The following AP3B1 variants were observed in gnomAD, a reference collection of about 807,000 sequenced individuals.
AP3B1 encodes AP-3 complex subunit beta-1.
In AP3B1, 61 loss-of-function variants were observed where a neutral mutation model predicts 132.5. That is an observed-to-expected ratio of 0.46 (90% CI 0.37 to 0.57). The LOEUF (loss-of-function observed/expected upper bound fraction) is 0.57, where lower values mean the gene tolerates loss of function less well. Ranked by LOEUF, AP3B1 falls within the 20% of genes least tolerant of loss-of-function variation. AP3B1 has a pLI of 0.00. For synonymous variants in AP3B1, 388 were observed against 438.3 expected (o/e 0.89, Z 1.43); for missense variants, 1,120 against 1,289.4 (o/e 0.87, Z 2.01).
intron 2 of AP3B1, among the ~76,000 whole-genome samples, chr5:78,249,479 G>A (rs370674055): frequency 2.0e-5 from 3 of 151,344 alleles, no homozygotes. Context: ...TCCTTCTGCT[G>A]TTCTAATGAT....
At chr5:78,090,381 G>C (rs999384228) in intron 21 of AP3B1, among the ~76,000 whole-genome samples, 3 of 152,200 alleles carry the variant, frequency 2.0e-5, no homozygotes, top group African/African-American at 7.2e-5. Flanking sequence ...TCCAATTTCA[G>C]CATTGTTATG....
chr5:78,195,255 CA>C (rs1475391322), intron 7 of AP3B1, among the ~76,000 whole-genome samples: 5 of 152,158 alleles, frequency 3.3e-5, no homozygotes, highest in African/African-American at 1.2e-4. Context: ...AGCTGATGAA[CA>C]GTGCAGCTAC....
intron 20 of AP3B1, among the ~76,000 whole-genome samples, chr5:78,109,637 C>A (rs1036602360): frequency 6.6e-6 from 1 of 152,032 alleles, no homozygotes; most frequent in Non-Finnish European, 1.5e-5. Flanking sequence ...AGATAGAATA[C>A]ATTTTATATT....
intron 1 of AP3B1, among the ~76,000 whole-genome samples, chr5:78,275,809 A>C (rs1015897908): frequency 6.6e-6 from 1 of 152,310 alleles, no homozygotes; most frequent in South Asian, 2.1e-4. Flanking sequence ...AGTAACTGGC[A>C]GAACCAGGAA....
At chr5:78,084,085 C>T (rs1434967955) in intron 22 of AP3B1, among the ~76,000 whole-genome samples, 3 of 152,050 alleles carry the variant, frequency 2.0e-5, no homozygotes, top group Admixed American at 2.0e-4. Flanking sequence ...TAGGTTCATA[C>T]ACACATAGAA....
intron 2 of AP3B1, among the ~76,000 whole-genome samples, chr5:78,254,757 CA>C (rs1272497004): frequency 1.3e-5 from 2 of 151,964 alleles, no homozygotes; most frequent in Non-Finnish European, 2.9e-5. Flanking sequence ...CCTGAAGGTA[CA>C]AAACTAACTG....
chr5:78,286,541 T>C (rs1283245545), intron 1 of AP3B1, among the ~76,000 whole-genome samples: 7 of 152,170 alleles, frequency 4.6e-5, no homozygotes, highest in African/African-American at 1.2e-4. Context: ...AAACTAAACC[T>C]GCCTGTGACT....
intron 2 of AP3B1, among the ~76,000 whole-genome samples, chr5:78,256,055 TG>T (rs1423077755): frequency 2.6e-5 from 4 of 151,760 alleles, no homozygotes; most frequent in Non-Finnish European, 4.4e-5. Flanking sequence ...TAGCTATAAG[TG>T]TCTACATCAA....
chr5:78,172,696 T>C (rs962437943), intron 11 of AP3B1, among the ~76,000 whole-genome samples: 2 of 152,210 alleles, frequency 1.3e-5, no homozygotes, highest in Admixed American at 6.5e-5. Context: ...CCTGGATTCA[T>C]TGATTTTTCG....
At chr5:78,252,407 C>T (rs1219279087) in intron 2 of AP3B1, among the ~76,000 whole-genome samples, 1 of 152,200 alleles carries the variant, frequency 6.6e-6, no homozygotes. Context: ...TAGGACTTGG[C>T]TCTTGGACAG....
intron 21 of AP3B1, among the ~76,000 whole-genome samples, chr5:78,091,828 C>A (rs993380216): frequency 2.6e-5 from 4 of 152,074 alleles, no homozygotes; most frequent in African/African-American, 4.8e-5. Context: ...AATGCACAGA[C>A]TGAAGGCAGG....
chr5:78,170,656 C>A (rs993323806), intron 11 of AP3B1, among the ~76,000 whole-genome samples: 1 of 152,112 alleles, frequency 6.6e-6, no homozygotes, highest in Non-Finnish European at 1.5e-5. Flanking sequence ...GGGTAGATTG[C>A]AAAATTTTTC....
chr5:78,265,507 C>T (rs908953603), intron 2 of AP3B1, among the ~76,000 whole-genome samples: 1 of 152,130 alleles, frequency 6.6e-6, no homozygotes, highest in African/African-American at 2.4e-5. Context: ...AGAACTTGTT[C>T]TCTTATCAGT....
intron 24 of AP3B1, among the ~76,000 whole-genome samples, chr5:78,028,564 G>A (rs1747439608): frequency 6.6e-6 from 1 of 152,118 alleles, no homozygotes; most frequent in African/African-American, 2.4e-5. Flanking sequence ...AATATAGTGT[G>A]GTGAGCAGAC....
rs544219586 is a variant in AP3B1, at chr5:78,163,633, T to C, written c.1231-682A>G. On this transcript the variant is annotated intron_variant, in intron 12 of 26. Coordinates refer to ENST00000255194, the MANE Select transcript of AP3B1 (RefSeq NM_003664.5). ...TGTGTGTGTATATATAGTATATATA[T>C]AGTATACATATATATATATACACAC... Among the ~76,000 whole-genome samples the C allele has an allele frequency of 3.0e-3, 435 of 147,222 alleles. 1 individual carries two copies. Among genetic ancestry groups the C allele is most frequent in the South Asian group, 0.012 (56 of 4,652 alleles).
In AP3B1 at chr5:78,128,047, C is replaced by T. The variant is rs755219130; in HGVS notation, c.1951G>A (p.Val651Ile). Residue 651 changes from valine (V) to isoleucine (I), a missense_variant, in exon 17 of 27, where the codon GTA becomes ATA. Around this residue, in one of 3 missense-constraint regions of AP3B1, gnomAD observed 906 missense variants for 997.1 expected, o/e 0.91. Transcript: ENST00000255194. ...CAACTTACCAACTCTATTACTTCTA[C>T]ATTTCGAACTGATGGGTCGGGCGCC... ...EVAPDPSVRNVEVIELAKEWT... is the reference protein window; with the variant it reads ...EVAPDPSVRNIEVIELAKEWT... 3.1e-6 allele frequency: 5 copies of T among 1,612,948 alleles called. No individual in the cohort carries two copies. In the African/African-American group the frequency reaches 5.3e-5, roughly 17 times the overall value.
chr5:78,161,968 G>T (rs376721850), intron 13 of AP3B1, among the ~76,000 whole-genome samples: 9 of 151,800 alleles, frequency 5.9e-5, no homozygotes, highest in African/African-American at 1.9e-4. Flanking sequence ...TACCTCATGG[G>T]CTGCTATATC....
At chr5:78,035,404 C>T (rs1010698712) in intron 23 of AP3B1, among the ~76,000 whole-genome samples, 3 of 151,940 alleles carry the variant, frequency 2.0e-5, no homozygotes, top group Admixed American at 6.6e-5. Flanking sequence ...TCCTATCACA[C>T]GTAGTTATAT....
intron 8 of AP3B1, among the ~76,000 whole-genome samples, chr5:78,180,888 A>G (rs1744336755): frequency 6.6e-6 from 1 of 151,940 alleles, no homozygotes; most frequent in Non-Finnish European, 1.5e-5. Context: ...TATTGTGCAC[A>G]TGTATTCTTC....
Sources: gnomAD v4.1 joint callset for allele counts (sites outside exome capture counted in the v4.1 genomes callset) on GRCh38, gnomAD v4.1.1 for gene constraint, gnomAD v4.1.1 regional missense constraint, MANE v1.5 for transcripts, NCBI Gene and HGNC (gene_info 2026-07-23, HGNC 2026-07-21) for gene names.